Variants in FERMT2 observed in about 807,000 individuals in gnomAD.
The protein encoded by FERMT2 is fermitin family homolog 2.
FERMT2 carries 15 observed loss-of-function variants against 82.7 expected under a neutral mutation model. That is an observed-to-expected ratio of 0.18 (90% CI 0.12 to 0.28). FERMT2 has a LOEUF of 0.28. Ranked by LOEUF, FERMT2 falls within the 10% of genes least tolerant of loss-of-function variation. The pLI is 1.00. For missense variants in FERMT2, 645 were observed against 809.4 expected (o/e 0.80, Z 2.46); for synonymous variants, 274 against 271.5 (o/e 1.01, Z -0.09).
At chr14:52,920,771 G>A (rs950746021) in intron 2 of FERMT2, among the ~76,000 whole-genome samples, 3 of 151,978 alleles carry the variant, frequency 2.0e-5, no homozygotes, top group Non-Finnish European at 1.5e-5. Context: ...TGGACAATGT[G>A]GTGAAACCCC....
intron 2 of FERMT2, 74 bp downstream of exon 2, chr14:52,950,338 C>G (rs1403231898): frequency 2.7e-6 from 4 of 1,464,612 alleles, no homozygotes; most frequent in African/African-American, 2.8e-5. Context: ...GGCCCCTCCC[C>G]CGTCGTGAGC....
chr14:52,944,180 T>C (rs927025053), intron 2 of FERMT2, among the ~76,000 whole-genome samples: 3 of 152,254 alleles, frequency 2.0e-5, no homozygotes, highest in Non-Finnish European at 4.4e-5. Context: ...TTCCTATGGA[T>C]CATGAACAGT....
intron 1 of FERMT2, 105 bp from the exon 2 acceptor site, chr14:52,950,682 C>A: frequency 8.4e-7 from 1 of 1,189,908 alleles, no homozygotes; most frequent in Non-Finnish European, 1.2e-6. Context: ...TGGTGGAGGA[C>A]CCGGGGCTTT....
At chr14:52,884,719 G>C (rs1481991745) in intron 4 of FERMT2, among the ~76,000 whole-genome samples, 1 of 151,926 alleles carries the variant, frequency 6.6e-6, no homozygotes, top group Non-Finnish European at 1.5e-5. Flanking sequence ...TTAAAATTCT[G>C]TTACTGTAAG....
intron 3 of FERMT2, among the ~76,000 whole-genome samples, chr14:52,910,015 T>G (rs1173233656): frequency 6.6e-6 from 1 of 152,180 alleles, no homozygotes; most frequent in Non-Finnish European, 1.5e-5. Flanking sequence ...ATTGCGCCAC[T>G]GCACTCCAGC....
chr14:52,876,592 A>G (rs972980707), intron 7 of FERMT2, among the ~76,000 whole-genome samples: 5 of 152,174 alleles, frequency 3.3e-5, no homozygotes, highest in East Asian at 1.9e-4. Flanking sequence ...AGTGCAAGGG[A>G]TATCTTAAAT....
intron 2 of FERMT2, among the ~76,000 whole-genome samples, chr14:52,943,485 G>T (rs143462611): frequency 5.3e-4 from 81 of 152,126 alleles, no homozygotes; most frequent in Middle Eastern, 3.4e-3. Context: ...TGAGATTCTG[G>T]ATGGGAAAAA....
Position 52,881,346 on chromosome 14 carries a change from T to C in FERMT2, c.650A>G (p.Asn217Ser), listed in dbSNP as rs953606855. Residue 217 changes from asparagine (N) to serine (S), a missense_variant, in exon 5 of 15, where the codon AAT (asparagine) becomes AGT (serine). By Grantham distance (46) the Asn-to-Ser change is conservative. Coordinates refer to ENST00000341590, the MANE Select transcript of FERMT2 (RefSeq NM_006832.3). The part of the protein sequence containing the change: ...WFGDSALSEG[N>S]PGILAVSQPI... ...TTGACTGACAGCAAGTATACCAGGATTGCCTTCTGACAAAGCACTGTCACC... is the reference window on the plus strand; with the variant it reads ...TTGACTGACAGCAAGTATACCAGGACTGCCTTCTGACAAAGCACTGTCACC... 1.1e-5 allele frequency: 17 copies of C among 1,613,952 alleles called. No individual in the cohort carries two copies. Among genetic ancestry groups the C allele is most frequent in the Non-Finnish European group, 1.4e-5 (16 of 1,180,010 alleles).
chr14:52,876,016 G>A (rs1885938450), intron 7 of FERMT2, among the ~76,000 whole-genome samples: 1 of 152,148 alleles, frequency 6.6e-6, no homozygotes, highest in African/African-American at 2.4e-5. Context: ...AATAGTTACT[G>A]ATTTTAAATA....
At position 52,858,398 on chromosome 14, in the gene FERMT2, T is replaced by C. The variant is rs754071778; in HGVS notation, c.2022A>G (p.Lys674=). The change falls in exon 15 of 15, where the codon AAA becomes AAG. Residue 674 remains lysine (K), a synonymous_variant. Transcript: ENST00000341590. Reference sequence around the variant, plus strand: ...CTATTCACACCCAACCACTGGTAAGTTTGTAGAACATCTCTTCATCTAAAC... The same window carrying C: ...CTATTCACACCCAACCACTGGTAAGCTTGTAGAACATCTCTTCATCTAAAC... ...NESLDEEMFY[K]LTSGWV is the part of the protein sequence containing the mutation. The C allele has an allele frequency of 2.5e-6, 4 of 1,614,104 alleles. No homozygotes were observed. The South Asian group carries it at 4.4e-5, about 18-fold the overall frequency.
intron 2 of FERMT2, among the ~76,000 whole-genome samples, chr14:52,938,164 A>C (rs1203030476): frequency 1.3e-5 from 2 of 152,250 alleles, no homozygotes; most frequent in Non-Finnish European, 2.9e-5. Flanking sequence ...CAGACACTTC[A>C]CAACCACTAA....
rs189658977 is a variant in FERMT2, at chr14:52,888,322, A to G, written c.526+4971T>C. Among the ~76,000 whole-genome samples the G allele has an allele frequency of 2.0e-3, 297 of 152,306 alleles. 3 individuals carry two copies. Among genetic ancestry groups the G allele is most frequent in the Admixed American group, 5.1e-3 (78 of 15,300 alleles). ...AAGTATTAGTGGGTTGCTCAATCTA[A>G]ATTACTATGTCTTAATCAAGGCAGC... On this transcript the variant is annotated intron_variant, in intron 4 of 14. Transcript: ENST00000341590.
At position 52,881,085 on chromosome 14, in the gene FERMT2, G is replaced by C; in HGVS notation, c.806C>G (p.Ala269Gly). The C allele has an allele frequency of 1.9e-6, 3 of 1,613,504 alleles. No individual in the cohort carries two copies. Among genetic ancestry groups the C allele is most frequent in the East Asian group, 2.2e-5 (1 of 44,844 alleles). ...LMEQDVKENE[A>G]LLLRFKYYSF... ...GTAATACTTGAATCGGAGCAGCAAG[G>C]CCTCATTTTCCTTCACATCTTGTTC... Residue 269 changes from alanine (A) to glycine (G), a missense_variant, in exon 6 of 15, where the codon GCC (alanine) becomes GGC (glycine). By Grantham distance (60) the Ala-to-Gly change is moderately conservative (BLOSUM62 0). Transcript: ENST00000341590.
intron 3 of FERMT2, among the ~76,000 whole-genome samples, chr14:52,907,767 AC>A (rs71444785): frequency 6.7e-6 from 1 of 148,800 alleles, no homozygotes; most frequent in Non-Finnish European, 1.5e-5. Flanking sequence ...CAAAACAACC[AC>A]CCCCCACCAA....
intron 2 of FERMT2, among the ~76,000 whole-genome samples, chr14:52,949,543 T>C (rs762180227): frequency 2.0e-5 from 3 of 152,108 alleles, no homozygotes; most frequent in Non-Finnish European, 4.4e-5. Context: ...CTCAGGAAGA[T>C]AGTTCTCTGA....
In FERMT2 at chr14:52,857,811, CTTAT is replaced by C. The variant is rs1330345193; in HGVS notation, c.*562_*565del. ...AACACGAGACAATATACATAACATG[CTTAT>C]TCAAGGACAAAAACAAATCAAGCAC... is the stretch of plus-strand genomic sequence containing the variant. On this transcript the variant is annotated 3_prime_UTR_variant, in exon 15 of 15. Coordinates refer to ENST00000341590, the MANE Select transcript of FERMT2 (RefSeq NM_006832.3). The C allele has an allele frequency of 6.5e-6, 1 of 153,164 alleles. No individual in the cohort carries two copies. The highest frequency in any genetic ancestry group is 2.1e-4 in the South Asian group (1 of 4,860). 9.5% of individuals were successfully genotyped at this position (153,164 alleles called of 1,614,324 possible).
intron 12 of FERMT2, chr14:52,861,903 C>A (rs1884963499): frequency 6.6e-6 from 1 of 152,224 alleles, no homozygotes; most frequent in Non-Finnish European, 1.5e-5. Context: ...GCCTGCACAT[C>A]TTCCTACAGC....
intron 7 of FERMT2, among the ~76,000 whole-genome samples, chr14:52,877,840 C>G (rs570882243): frequency 6.6e-6 from 1 of 151,988 alleles, no homozygotes; most frequent in African/African-American, 2.4e-5. Context: ...CCTAGAATCC[C>G]GTCATAACTG....
rs751860910 is a variant in FERMT2, at chr14:52,919,111, T to C, written c.391+12A>G. On this transcript the variant is annotated intron_variant, in intron 3 of 14. Coordinates refer to ENST00000341590, the MANE Select transcript of FERMT2 (RefSeq NM_006832.3). ...TAACTCGTATTTTAAGAAGAATTTA[T>C]GTAATACTTACTAAAAGTCTTACAG... 3.2e-6 allele frequency: 5 copies of C among 1,559,110 alleles called. No individual in the cohort carries two copies. In the East Asian group the frequency reaches 1.1e-4, roughly 35 times the overall value.
Sources: allele counts gnomAD v4.1 joint callset (sites outside exome capture counted in the v4.1 genomes callset), GRCh38; gene constraint gnomAD v4.1.1; transcripts MANE v1.5; gene names NCBI Gene and HGNC (gene_info 2026-07-23, HGNC 2026-07-21).